GNG7: variants seen among roughly 807,000 people sequenced by gnomAD.
GNG7 encodes G protein subunit gamma 7.
Under a neutral mutation model 4.0 loss-of-function variants are expected in GNG7, and 1 was observed. The observed-to-expected ratio is 0.25, with a 90% CI of 0.09 to 1.18. GNG7 has a LOEUF of 1.18. GNG7 is among the 50% of genes most tolerant of loss of function. The pLI is 0.50. For missense variants in GNG7, 86 were observed against 91.9 expected (o/e 0.94, Z 0.26); for synonymous variants, 34 against 36.9 (o/e 0.92, Z 0.29).
chr19:2,639,195 C>T (rs1018186677), intron 2 of GNG7, among the ~76,000 whole-genome samples: 4 of 151,060 alleles, frequency 2.6e-5, no homozygotes, highest in African/African-American at 9.8e-5. Context: ...GATCGCGCCA[C>T]TGCACTCCAG....
intron 1 of GNG7, among the ~76,000 whole-genome samples, chr19:2,660,502 G>A (rs1983117610): frequency 6.6e-6 from 1 of 152,200 alleles, no homozygotes; most frequent in Non-Finnish European, 1.5e-5. Flanking sequence ...TGGGTGTGGT[G>A]GCTCACGCCT....
At chr19:2,632,422 T>C (rs1599431283) in intron 2 of GNG7, among the ~76,000 whole-genome samples, 1 of 120,004 alleles carries the variant, frequency 8.3e-6, no homozygotes, top group African/African-American at 3.3e-5. Flanking sequence ...AGAGTGAAAC[T>C]CCATCTCAAA....
At chr19:2,658,653 G>A (rs1983058528) in intron 1 of GNG7, among the ~76,000 whole-genome samples, 1 of 152,214 alleles carries the variant, frequency 6.6e-6, no homozygotes, top group East Asian at 1.9e-4. Flanking sequence ...CCAGTGAAAT[G>A]AGCCAGATGC....
At chr19:2,575,261 T>A (rs575265014) in intron 2 of GNG7, among the ~76,000 whole-genome samples, 65 of 152,186 alleles carry the variant, frequency 4.3e-4, no homozygotes, top group African/African-American at 1.4e-3. Context: ...ATTTTTAAAA[T>A]TTTTTTGTAG....
intron 1 of GNG7, among the ~76,000 whole-genome samples, chr19:2,691,712 C>CA (rs1913139376): frequency 6.6e-6 from 1 of 150,690 alleles, no homozygotes; most frequent in Admixed American, 6.6e-5. Flanking sequence ...ACTAAAAATA[C>CA]CAAAATTAGC....
chr19:2,532,165 A>C (rs1044023309), intron 3 of GNG7, among the ~76,000 whole-genome samples: 6 of 107,030 alleles, frequency 5.6e-5, no homozygotes, highest in Non-Finnish European at 9.4e-5. Context: ...AAAAAAACAA[A>C]AAAAAAAACA....
At chr19:2,657,381 T>A (rs867215994) in intron 1 of GNG7, among the ~76,000 whole-genome samples, 2,764 of 81,442 alleles carry the variant, frequency 0.034, 433 homozygotes, top group Non-Finnish European at 0.056. Context: ...TATATATATA[T>A]ATATATATAT....
intron 1 of GNG7, among the ~76,000 whole-genome samples, chr19:2,655,854 A>T (rs1982955432): frequency 6.9e-6 from 1 of 144,172 alleles, no homozygotes; most frequent in Non-Finnish European, 1.5e-5. Flanking sequence ...AAAAAAAAAA[A>T]AAAAAATACA....
At chr19:2,683,534 G>A (rs1290021222) in intron 1 of GNG7, 5 of 152,276 alleles carry the variant, frequency 3.3e-5, no homozygotes, top group African/African-American at 9.6e-5. Flanking sequence ...CAAAAACGAT[G>A]CTCAGGCCAA....
chr19:2,649,183 C>T (rs777769738), intron 1 of GNG7, among the ~76,000 whole-genome samples: 21 of 152,010 alleles, frequency 1.4e-4, no homozygotes, highest in Non-Finnish European at 2.5e-4. Flanking sequence ...GTGATCCTCT[C>T]ACCACCTTGT....
intron 1 of GNG7, among the ~76,000 whole-genome samples, chr19:2,656,725 A>G (rs559863802): frequency 5.3e-4 from 80 of 152,266 alleles, no homozygotes; most frequent in Middle Eastern, 3.4e-3. Flanking sequence ...GTTCACTTAC[A>G]TATCATCCAT....
At position 2,528,427 on chromosome 19, in the gene GNG7, A is replaced by G. The variant is rs868501606; in HGVS notation, c.-37-7702T>C. On this transcript the variant is annotated intron_variant, in intron 3 of 4. Coordinates refer to ENST00000382159, the MANE Select transcript of GNG7 (RefSeq NM_052847.3). ...CTCTACTAAAAAAAAAAAAAAATAC[A>G]AAAAAATTAGCCGGGCATGGCGGCG... is the stretch of plus-strand genomic sequence containing the variant. Among the ~76,000 whole-genome samples the G allele has an allele frequency of 1.7e-4, 26 of 150,822 alleles. No homozygotes were observed. In the South Asian group the frequency reaches 2.7e-3, roughly 16 times the overall value.
chr19:2,537,170 C>T (rs892561659), intron 3 of GNG7, among the ~76,000 whole-genome samples: 1 of 151,358 alleles, frequency 6.6e-6, no homozygotes, highest in Non-Finnish European at 1.5e-5. Flanking sequence ...AGGATGGTCT[C>T]CATCTCCTGA....
intron 2 of GNG7, among the ~76,000 whole-genome samples, chr19:2,637,028 T>C (rs1394816653): frequency 6.6e-6 from 1 of 150,656 alleles, no homozygotes; most frequent in African/African-American, 2.4e-5. Flanking sequence ...CCACTTGTCC[T>C]CACCTGCACC....
At chr19:2,600,468 ATTTT>A (rs35232310) in intron 2 of GNG7, among the ~76,000 whole-genome samples, 3 of 120,324 alleles carry the variant, frequency 2.5e-5, no homozygotes, top group African/African-American at 3.1e-5. Flanking sequence ...GTATCTTGGC[ATTTT>A]TTTTTTTTTT....
At chr19:2,562,107 G>A (rs536063998) in intron 2 of GNG7, among the ~76,000 whole-genome samples, 5 of 152,112 alleles carry the variant, frequency 3.3e-5, no homozygotes, top group South Asian at 2.1e-4. Flanking sequence ...ACCAGGGTCC[G>A]GGGCAGGCAT....
chr19:2,644,382 AT>A, intron 2 of GNG7, among the ~76,000 whole-genome samples: 1 of 109,194 alleles, frequency 9.2e-6, no homozygotes, highest in Non-Finnish European at 1.8e-5. Flanking sequence ...TATATATATA[AT>A]GCTCTATCTA....
intron 1 of GNG7, among the ~76,000 whole-genome samples, chr19:2,661,344 G>GAAAGAAAGAA (rs1983170858): frequency 6.8e-6 from 1 of 146,250 alleles, no homozygotes; most frequent in Non-Finnish European, 1.5e-5. Flanking sequence ...AAGAAAGAAA[G>GAAAGAAAGAA]AAAGAAAGAA....
At chr19:2,681,534 G>T (rs139425010) in intron 1 of GNG7, among the ~76,000 whole-genome samples, 1 of 152,126 alleles carries the variant, frequency 6.6e-6, no homozygotes, top group Non-Finnish European at 1.5e-5. Context: ...CTCCCAAAGC[G>T]CTGGGATCAC....
Sources: allele counts gnomAD v4.1 joint callset (sites outside exome capture counted in the v4.1 genomes callset), GRCh38; gene constraint gnomAD v4.1.1; transcripts MANE v1.5; gene names NCBI Gene and HGNC (gene_info 2026-07-23, HGNC 2026-07-21).